Variants in RAB11FIP4 observed in about 807,000 individuals in gnomAD.
The protein encoded by RAB11FIP4 is rab11 family-interacting protein 4.
RAB11FIP4 carries 23 observed loss-of-function variants against 74.3 expected under a neutral mutation model. That is an observed-to-expected ratio of 0.31 (90% CI 0.22 to 0.44). The LOEUF (loss-of-function observed/expected upper bound fraction) is 0.44, where lower values mean the gene tolerates loss of function less well. Ranked by LOEUF, RAB11FIP4 falls within the 20% of genes least tolerant of loss-of-function variation. The probability of loss-of-function intolerance (pLI) is 1.00; values close to 1 mark genes in which losing one functional copy is unlikely to be tolerated. For missense variants in RAB11FIP4, 630 were observed against 863.9 expected (o/e 0.73, Z 3.39); for synonymous variants, 360 against 359.9 (o/e 1.00, Z 0.00).
intron 13 of RAB11FIP4, among the ~76,000 whole-genome samples, chr17:31,530,070 C>T (rs953656043): frequency 4.6e-5 from 7 of 152,204 alleles, no homozygotes; most frequent in South Asian, 2.1e-4. Context: ...GCCTTGGCTG[C>T]GCTGAGCAGG....
intron 3 of RAB11FIP4, among the ~76,000 whole-genome samples, chr17:31,470,599 T>G (rs116937085): frequency 0.017 from 2,564 of 152,288 alleles, 37 homozygotes; most frequent in Non-Finnish European, 0.023. Context: ...GGGAAGCAGG[T>G]GCTTAACACA....
At chr17:31,412,069 A>C (rs2071102373) in intron 1 of RAB11FIP4, among the ~76,000 whole-genome samples, 1 of 152,166 alleles carries the variant, frequency 6.6e-6, no homozygotes, top group Non-Finnish European at 1.5e-5. Flanking sequence ...TGGTCCTGGG[A>C]GGACCCACCA....
At chr17:31,469,631 C>CAAAAAA in intron 3 of RAB11FIP4, among the ~76,000 whole-genome samples, 1 of 91,736 alleles carries the variant, frequency 1.1e-5, no homozygotes, top group Non-Finnish European at 2.2e-5. Context: ...GACCCTCTCT[C>CAAAAAA]AAAAAAAAAA....
intron 3 of RAB11FIP4, among the ~76,000 whole-genome samples, chr17:31,464,213 T>TG (rs200553037): frequency 2.6e-5 from 4 of 151,702 alleles, no homozygotes; most frequent in Non-Finnish European, 5.9e-5. Context: ...GCTGTCAGTG[T>TG]GGGGGACCCC....
chr17:31,524,869 A>C (rs1459734423), intron 9 of RAB11FIP4: 2 of 620,628 alleles, frequency 3.2e-6, no homozygotes, highest in East Asian at 5.6e-5. Context: ...TGAGCGCCCC[A>C]CCTTCTGACT....
chr17:31,446,455 A>G (rs973815745), intron 3 of RAB11FIP4, among the ~76,000 whole-genome samples: 3 of 152,118 alleles, frequency 2.0e-5, no homozygotes, highest in African/African-American at 4.8e-5. Context: ...GGAACACGCC[A>G]TGGGCCATTG....
chr17:31,436,497 C>T (rs894622661), intron 3 of RAB11FIP4, among the ~76,000 whole-genome samples: 2 of 152,118 alleles, frequency 1.3e-5, no homozygotes, highest in African/African-American at 2.4e-5. Flanking sequence ...GCTTTTGTGG[C>T]CCCCACATTC....
Position 31,530,330 on chromosome 17 carries a change from A to G in RAB11FIP4, c.1658A>G (p.Asn553Ser), listed in dbSNP as rs745633740. ...EHEVKRLKQE[N>S]YKLRDQNDDL... ...CCTTCGTCCTTCTCTCTGTAGGAGA[A>G]TTATAAGCTGCGGGATCAGAACGAC... Residue 553 changes from asparagine (N) to serine (S), a missense_variant, in exon 14 of 15, where the codon AAT becomes AGT. Physicochemically the swap from Asn to Ser is conservative, Grantham distance 46. Coordinates refer to ENST00000621161, the MANE Select transcript of RAB11FIP4 (RefSeq NM_032932.6). The G allele has an allele frequency of 7.4e-6, 12 of 1,614,132 alleles. No individual in the cohort carries two copies. The highest frequency in any genetic ancestry group is 9.3e-6 in the Non-Finnish European group (11 of 1,179,996).
chr17:31,411,423 A>T (rs2071094871), intron 1 of RAB11FIP4, among the ~76,000 whole-genome samples: 1 of 152,194 alleles, frequency 6.6e-6, no homozygotes, highest in African/African-American at 2.4e-5. Context: ...TCTAGCCCAG[A>T]GATCCCAGCT....
chr17:31,407,503 C>T (rs2151617952), intron 1 of RAB11FIP4, among the ~76,000 whole-genome samples: 1 of 152,296 alleles, frequency 6.6e-6, no homozygotes, highest in South Asian at 2.1e-4. Flanking sequence ...AATGCAGTGC[C>T]ATGATCACCC....
chr17:31,462,060 G>A (rs2071639124), intron 3 of RAB11FIP4, among the ~76,000 whole-genome samples: 1 of 152,022 alleles, frequency 6.6e-6, no homozygotes, highest in Non-Finnish European at 1.5e-5. Flanking sequence ...TCAGGAGTTC[G>A]AGACCAGCCT....
At chr17:31,445,249 G>T (rs2071439998) in intron 3 of RAB11FIP4, among the ~76,000 whole-genome samples, 1 of 152,042 alleles carries the variant, frequency 6.6e-6, no homozygotes, top group Admixed American at 6.6e-5. Flanking sequence ...GCAGAACAAT[G>T]AATCCACATA....
chr17:31,440,826 T>G (rs1198154036), intron 3 of RAB11FIP4, among the ~76,000 whole-genome samples: 4 of 152,188 alleles, frequency 2.6e-5, no homozygotes, highest in Non-Finnish European at 5.9e-5. Context: ...TTACATATTT[T>G]CTTTTCTGGA....
At chr17:31,427,018 G>A (rs1054029913) in intron 1 of RAB11FIP4, among the ~76,000 whole-genome samples, 5 of 152,046 alleles carry the variant, frequency 3.3e-5, no homozygotes, top group African/African-American at 1.2e-4. Context: ...GAGTGCAGTG[G>A]CACAATCTCG....
At chr17:31,522,498 G>A in intron 7 of RAB11FIP4, 103 bp downstream of exon 7, 2 of 1,164,662 alleles carry the variant, frequency 1.7e-6, no homozygotes, top group Non-Finnish European at 2.5e-6. Flanking sequence ...GCCCGCATGT[G>A]GCTGAGTGAG....
intron 1 of RAB11FIP4, among the ~76,000 whole-genome samples, chr17:31,419,802 A>G (rs2071182716): frequency 6.6e-6 from 1 of 151,966 alleles, no homozygotes; most frequent in South Asian, 2.1e-4. Flanking sequence ...CGCCCACCTC[A>G]GCCTCCCAAA....
intron 3 of RAB11FIP4, among the ~76,000 whole-genome samples, chr17:31,448,154 C>A (rs145140817): frequency 1.3e-3 from 195 of 152,290 alleles, no homozygotes; most frequent in African/African-American, 4.5e-3. Context: ...GCTGCTCTTT[C>A]GAGTCCCACT....
chr17:31,407,678 C>T (rs1420915218), intron 1 of RAB11FIP4, among the ~76,000 whole-genome samples: 1 of 152,126 alleles, frequency 6.6e-6, no homozygotes, highest in African/African-American at 2.4e-5. Context: ...ACACAGTAAG[C>T]GTTTTTGGCA....
chr17:31,511,687 A>G (rs1170263039), intron 3 of RAB11FIP4, among the ~76,000 whole-genome samples: 1 of 152,174 alleles, frequency 6.6e-6, no homozygotes, highest in Non-Finnish European at 1.5e-5. Flanking sequence ...GTGGCTCCCC[A>G]TGGGGGAGGT....
Sources: allele counts gnomAD v4.1 joint callset (sites outside exome capture counted in the v4.1 genomes callset), GRCh38; gene constraint gnomAD v4.1.1; transcripts MANE v1.5; gene names NCBI Gene and HGNC (gene_info 2026-07-23, HGNC 2026-07-21).